Variants in SEMA5A observed in about 807,000 individuals in gnomAD.
SEMA5A encodes the protein semaphorin 5A, also known as semaphorin-5A.
A neutral mutation model predicts 135.5 loss-of-function variants in SEMA5A; 55 were observed. That is an observed-to-expected ratio of 0.41 (90% CI 0.33 to 0.51). The LOEUF (loss-of-function observed/expected upper bound fraction) is 0.51, where lower values mean the gene tolerates loss of function less well. Among genes scored for constraint, SEMA5A ranks in the 20% least tolerant of loss-of-function variants. The pLI is 0.37. For synonymous variants in SEMA5A, 580 were observed against 546.5 expected, an observed-to-expected ratio of 1.06 and a Z score of -0.85; for missense variants, 1,290 against 1,419.9, an observed-to-expected ratio of 0.91 and a Z score of 1.47.
chr5:9,313,309 A>C (rs1752228326), intron 5 of SEMA5A, among the ~76,000 whole-genome samples: 1 of 152,124 alleles, frequency 6.6e-6, no homozygotes, highest in African/African-American at 2.4e-5. Context: ...CTCATCCACG[A>C]ATTGTCCCCT....
intron 5 of SEMA5A, among the ~76,000 whole-genome samples, chr5:9,286,725 T>C (rs200292029): frequency 4.6e-5 from 7 of 150,904 alleles, no homozygotes; most frequent in Admixed American, 3.3e-4. Context: ...TATACACACA[T>C]ACACACACAC....
intron 1 of SEMA5A, among the ~76,000 whole-genome samples, chr5:9,464,440 G>A (rs564960122): frequency 1.1e-4 from 17 of 152,278 alleles, no homozygotes; most frequent in South Asian, 8.3e-4. Flanking sequence ...CTTGCCTCTG[G>A]AGAGTGAACT....
chr5:9,466,601 C>T (rs193108855), intron 1 of SEMA5A, among the ~76,000 whole-genome samples: 40 of 152,212 alleles, frequency 2.6e-4, no homozygotes, highest in Middle Eastern at 6.8e-3. Context: ...AAACTAGATT[C>T]GTGTATTTAC....
At chr5:9,325,280 A>G (rs1752820208) in intron 4 of SEMA5A, among the ~76,000 whole-genome samples, 2 of 151,664 alleles carry the variant, frequency 1.3e-5, no homozygotes, top group Non-Finnish European at 2.9e-5. Flanking sequence ...AAAATTTGAC[A>G]TTGCACATTC....
chr5:9,330,756 C>T (rs2150701850), intron 4 of SEMA5A, among the ~76,000 whole-genome samples: 1 of 152,130 alleles, frequency 6.6e-6, no homozygotes, highest in South Asian at 2.1e-4. Flanking sequence ...GAGAGATAAG[C>T]CCAGAGAATC....
intron 3 of SEMA5A, among the ~76,000 whole-genome samples, chr5:9,346,077 C>T (rs1408736267): frequency 2.0e-5 from 3 of 152,060 alleles, no homozygotes; most frequent in African/African-American, 4.8e-5. Context: ...TCCTAAACCA[C>T]CCATGTTCCC....
intron 15 of SEMA5A, among the ~76,000 whole-genome samples, chr5:9,111,004 A>G (rs1238411738): frequency 6.6e-6 from 1 of 152,190 alleles, no homozygotes; most frequent in Non-Finnish European, 1.5e-5. Flanking sequence ...AGTACGTGCA[A>G]ATGTGTCGAG....
chr5:9,253,403 G>A (rs1748904866), intron 5 of SEMA5A, among the ~76,000 whole-genome samples: 1 of 151,954 alleles, frequency 6.6e-6, no homozygotes, highest in Non-Finnish European at 1.5e-5. Context: ...TTGTAGCTGT[G>A]AAAATCAAGC....
intron 3 of SEMA5A, among the ~76,000 whole-genome samples, chr5:9,344,657 T>G (rs1753786297): frequency 6.6e-6 from 1 of 152,144 alleles, no homozygotes; most frequent in South Asian, 2.1e-4. Flanking sequence ...AGAATTTATC[T>G]CCCTCAAATG....
chr5:9,073,143 T>G (rs1246121272), intron 16 of SEMA5A, among the ~76,000 whole-genome samples: 1 of 152,098 alleles, frequency 6.6e-6, no homozygotes, highest in Non-Finnish European at 1.5e-5. Context: ...GAAAGAAAAC[T>G]ACATGAATGT....
chr5:9,521,964 G>A (rs570583793), intron 1 of SEMA5A, among the ~76,000 whole-genome samples: 1 of 152,238 alleles, frequency 6.6e-6, no homozygotes, highest in South Asian at 2.1e-4. Context: ...TAGGGGTCCA[G>A]GGTGCCACTG....
intron 1 of SEMA5A, among the ~76,000 whole-genome samples, chr5:9,493,935 G>T (rs189428296): frequency 1.3e-5 from 2 of 152,094 alleles, no homozygotes; most frequent in African/African-American, 4.8e-5. Flanking sequence ...AAGAATGTAA[G>T]GTTACCATAA....
intron 11 of SEMA5A, among the ~76,000 whole-genome samples, chr5:9,159,814 A>T (rs2150276911): frequency 6.6e-6 from 1 of 152,360 alleles, no homozygotes; most frequent in African/African-American, 2.4e-5. Flanking sequence ...AATGCCCATT[A>T]ATGATAGACT....
At chr5:9,328,514 C>T (rs1579353099) in intron 4 of SEMA5A, among the ~76,000 whole-genome samples, 2 of 152,274 alleles carry the variant, frequency 1.3e-5, no homozygotes, top group Middle Eastern at 3.4e-3. Flanking sequence ...CACAGTGGCT[C>T]ATGCCTGTAA....
chr5:9,400,256 C>T (rs1294462151), intron 2 of SEMA5A, among the ~76,000 whole-genome samples: 1 of 152,134 alleles, frequency 6.6e-6, no homozygotes, highest in Non-Finnish European at 1.5e-5. Context: ...AGCAAACCAC[C>T]ACAGCATATG....
intron 2 of SEMA5A, among the ~76,000 whole-genome samples, chr5:9,397,914 A>T (rs1007691891): frequency 1.3e-5 from 2 of 152,162 alleles, no homozygotes; most frequent in African/African-American, 4.8e-5. Flanking sequence ...AAATTCTCAA[A>T]TCACCATCCA....
intron 8 of SEMA5A, among the ~76,000 whole-genome samples, chr5:9,208,885 A>C (rs1211867925): frequency 1.3e-5 from 2 of 152,156 alleles, no homozygotes; most frequent in Non-Finnish European, 2.9e-5. Flanking sequence ...TTTTCACAGC[A>C]ATCAGGGCCT....
intron 11 of SEMA5A, among the ~76,000 whole-genome samples, chr5:9,189,908 A>G (rs1420242988): frequency 6.6e-6 from 1 of 152,224 alleles, no homozygotes; most frequent in Non-Finnish European, 1.5e-5. Context: ...TGACAATCCC[A>G]AGATAATATT....
At chr5:9,129,904 A>G (rs1441375273) in intron 13 of SEMA5A, among the ~76,000 whole-genome samples, 1 of 152,184 alleles carries the variant, frequency 6.6e-6, no homozygotes, top group Non-Finnish European at 1.5e-5. Context: ...CTGGTTGTAA[A>G]AGACCCAAGA....
Sources: allele counts gnomAD v4.1 joint callset (sites outside exome capture counted in the v4.1 genomes callset), GRCh38; gene constraint gnomAD v4.1.1; transcripts MANE v1.5; gene names NCBI Gene and HGNC (gene_info 2026-07-23, HGNC 2026-07-21).